Variants in PARD3 observed in about 807,000 individuals in gnomAD.
PARD3 encodes par-3 family cell polarity regulator, also known as partitioning defective 3 homolog.
In PARD3, 75 loss-of-function variants were observed where a neutral mutation model predicts 155.4. The observed-to-expected ratio is 0.48, with a 90% CI of 0.40 to 0.58. The LOEUF is 0.58. PARD3 is among the 20% of genes least tolerant of loss of function. The probability of loss-of-function intolerance (pLI) is 0.00; values close to 1 mark genes in which losing one functional copy is unlikely to be tolerated. For missense variants in PARD3, 1,642 were observed against 1,721.7 expected, an observed-to-expected ratio of 0.95 and a Z score of 0.82; for synonymous variants, 576 against 610.5, an observed-to-expected ratio of 0.94 and a Z score of 0.83.
chr10:34,207,861 T>C (rs1358175379), intron 22 of PARD3, among the ~76,000 whole-genome samples: 1 of 152,184 alleles, frequency 6.6e-6, no homozygotes, highest in East Asian at 1.9e-4. Flanking sequence ...AAACCCAGAA[T>C]GACTGATTTT....
chr10:34,344,207 A>C, intron 15 of PARD3: 2 of 985,298 alleles, frequency 2.0e-6, no homozygotes, highest in Non-Finnish European at 2.4e-6. Flanking sequence ...TCTTTTACGA[A>C]ATGGATGTGC....
Position 34,374,938 on chromosome 10 carries a change from T to C in PARD3, c.1604A>G (p.Lys535Arg), listed in dbSNP as rs1841065827. ...CAGAAGGCTCACAGTTCCTTCCATCTTGGTGCTTCTCAACAGCGAAACAAC... is the reference window on the plus strand; with the variant it reads ...CAGAAGGCTCACAGTTCCTTCCATCCTGGTGCTTCTCAACAGCGAAACAAC... ...EEVVSLLRST[K>R]MEGTVSLLVF... Residue 535 changes from lysine (K) to arginine (R), a missense_variant, in exon 11 of 25, where the codon AAG (lysine) becomes AGG (arginine). Coordinates refer to ENST00000374788, the MANE Select transcript of PARD3 (RefSeq NM_001184785.2). 4 of 1,613,924 alleles carry C rather than the reference T, an allele frequency of 2.5e-6. No individual in the cohort carries two copies. The highest frequency in any genetic ancestry group is 2.5e-6 in the Non-Finnish European group (3 of 1,179,852).
intron 4 of PARD3, among the ~76,000 whole-genome samples, chr10:34,459,336 T>G (rs1219747178): frequency 6.6e-6 from 1 of 151,982 alleles, no homozygotes; most frequent in African/African-American, 2.4e-5. Context: ...CCAGCTAATT[T>G]TTTTTTTTGT....
chr10:34,505,384 G>A (rs1415698005), intron 3 of PARD3, among the ~76,000 whole-genome samples: 2 of 152,208 alleles, frequency 1.3e-5, no homozygotes, highest in Non-Finnish European at 2.9e-5. Flanking sequence ...ATTGGGCAGT[G>A]GGGAAATCTT....
At chr10:34,375,549 G>A (rs1841143130) in intron 10 of PARD3, among the ~76,000 whole-genome samples, 1 of 152,048 alleles carries the variant, frequency 6.6e-6, no homozygotes, top group Non-Finnish European at 1.5e-5. Flanking sequence ...TTTTTTAGCA[G>A]GGAAGCAATA....
chr10:34,153,589 A>G (rs1948872406), intron 22 of PARD3, among the ~76,000 whole-genome samples: 1 of 152,212 alleles, frequency 6.6e-6, no homozygotes, highest in African/African-American at 2.4e-5. Context: ...CCTCAGAGCA[A>G]GCCAAATTTA....
chr10:34,783,084 C>T (rs1840461060), intron 1 of PARD3, among the ~76,000 whole-genome samples: 1 of 151,940 alleles, frequency 6.6e-6, no homozygotes. Flanking sequence ...GGGTGTCAAA[C>T]CTTAAGATTT....
chr10:34,513,396 T>C (rs1001523806), intron 3 of PARD3, among the ~76,000 whole-genome samples: 4 of 152,166 alleles, frequency 2.6e-5, no homozygotes, highest in African/African-American at 4.8e-5. Context: ...TCTCCATGCC[T>C]CAGCCTTCCG....
At chr10:34,616,697 T>G (rs1047323154) in intron 2 of PARD3, among the ~76,000 whole-genome samples, 1 of 152,098 alleles carries the variant, frequency 6.6e-6, no homozygotes, top group Non-Finnish European at 1.5e-5. Context: ...CAGCACTTTT[T>G]GGGAGACCAA....
intron 3 of PARD3, among the ~76,000 whole-genome samples, chr10:34,491,526 A>G (rs931507521): frequency 2.6e-5 from 4 of 152,226 alleles, no homozygotes; most frequent in African/African-American, 9.7e-5. Context: ...TAACACATGC[A>G]CATGACTCCC....
At chr10:34,304,652 C>A (rs1957314924) in intron 20 of PARD3, among the ~76,000 whole-genome samples, 1 of 152,204 alleles carries the variant, frequency 6.6e-6, no homozygotes, top group Admixed American at 6.5e-5. Flanking sequence ...CGGTGTGACT[C>A]TACCACCAAT....
chr10:34,465,334 TG>T (rs900999747), intron 4 of PARD3, among the ~76,000 whole-genome samples: 38 of 152,152 alleles, frequency 2.5e-4, no homozygotes, highest in African/African-American at 8.9e-4. Context: ...AAAAGGGGGT[TG>T]GGGAACCTTG....
intron 22 of PARD3, among the ~76,000 whole-genome samples, chr10:34,234,916 G>C (rs1296955391): frequency 2.0e-5 from 3 of 152,178 alleles, no homozygotes; most frequent in Non-Finnish European, 4.4e-5. Context: ...AAGGCAAATT[G>C]ATAACATACA....
chr10:34,131,910 A>G (rs560017269), intron 22 of PARD3, among the ~76,000 whole-genome samples: 2 of 152,262 alleles, frequency 1.3e-5, no homozygotes, highest in Admixed American at 1.3e-4. Context: ...ACATTGCATT[A>G]AAAGTCAGAA....
At chr10:34,588,817 G>A (rs368602899) in intron 2 of PARD3, among the ~76,000 whole-genome samples, 3 of 152,194 alleles carry the variant, frequency 2.0e-5, no homozygotes, top group African/African-American at 7.2e-5. Flanking sequence ...ATCAGCTGGA[G>A]AACATGCTAG....
At position 34,462,466 on chromosome 10, in the gene PARD3, G is replaced by T. The variant is rs191280642; in HGVS notation, c.582+7619C>A. 3.1e-3 allele frequency among the ~76,000 whole-genome samples: 465 copies of T among 151,960 alleles called. 1 individual carries two copies. The highest frequency in any genetic ancestry group is 0.011 in the African/African-American group (442 of 41,224). ...AATAAACTTTTAAAAACGTAATTTA[G>T]AAATAAAATAGTGTTTTCAAATTTA... On this transcript the variant is annotated intron_variant, in intron 4 of 24. Transcript: ENST00000374788.
At chr10:34,591,476 CCAGA>C (rs894156395) in intron 2 of PARD3, among the ~76,000 whole-genome samples, 12 of 152,008 alleles carry the variant, frequency 7.9e-5, no homozygotes, top group Admixed American at 6.6e-5. Flanking sequence ...CAGCAGTGAG[CCAGA>C]CAAAGACCTT....
At chr10:34,123,191 G>A (rs1947097966) in intron 23 of PARD3, among the ~76,000 whole-genome samples, 1 of 152,152 alleles carries the variant, frequency 6.6e-6, no homozygotes, top group African/African-American at 2.4e-5. Flanking sequence ...GAGATTGTAA[G>A]ATGGAAATAA....
chr10:34,695,803 A>G (rs1459212733), intron 2 of PARD3, among the ~76,000 whole-genome samples: 1 of 151,586 alleles, frequency 6.6e-6, no homozygotes, highest in Non-Finnish European at 1.5e-5. Flanking sequence ...CCCATCGCAC[A>G]GCAAGGCTGA....
Sources: allele counts gnomAD v4.1 joint callset (sites outside exome capture counted in the v4.1 genomes callset), GRCh38; gene constraint gnomAD v4.1.1; transcripts MANE v1.5; gene names NCBI Gene and HGNC (gene_info 2026-07-23, HGNC 2026-07-21).